The following LPL variants were observed in gnomAD, a reference collection of about 807,000 sequenced individuals.
The protein encoded by LPL is lipoprotein lipase.
Under a neutral mutation model 52.2 loss-of-function variants are expected in LPL, and 43 were observed. The ratio of observed to expected loss-of-function variants is 0.82; its 90% CI spans 0.64 to 1.06. The LOEUF is 1.06. Ranked by LOEUF, LPL falls within the 50% of genes least tolerant of loss-of-function variation. The pLI is 0.00. For synonymous variants in LPL, 244 were observed against 215.6 expected, an observed-to-expected ratio of 1.13 and a Z score of -1.15; for missense variants, 639 against 585.3, an observed-to-expected ratio of 1.09 and a Z score of -0.95.
intron 7 of LPL, 106 bp downstream of exon 7, chr8:19,959,486 A>G: frequency 3.6e-6 from 5 of 1,392,352 alleles, no homozygotes; most frequent in Non-Finnish European, 4.8e-6. Flanking sequence ...ACAAGTCTTT[A>G]GTTAAAAAAA....
At position 19,962,208 on chromosome 8, in the gene LPL, G is replaced by A. The variant is rs766845869; in HGVS notation, c.1416G>A (p.Lys472=). The A allele has an allele frequency of 4.3e-6, 7 of 1,613,488 alleles. No homozygotes were observed. In the African/African-American group the frequency reaches 6.7e-5, roughly 15 times the overall value. Residue 472 remains lysine (K), a synonymous_variant, in exon 9 of 10, where the codon AAG becomes AAA. Transcript: ENST00000650287. ...FVKCHDKSLN[K]KSG ...AATGCCATGACAAGTCTCTGAATAA[G>A]AAGTCAGGCTGGTGAGCATTCTGGG...
intron 1 of LPL, among the ~76,000 whole-genome samples, chr8:19,943,060 C>T (rs1263720284): frequency 2.0e-5 from 3 of 152,150 alleles, no homozygotes; most frequent in African/African-American, 7.2e-5. Context: ...CAAAGATGAC[C>T]CAGTTGGCGT....
At chr8:19,962,808 A>G (rs752057816) in intron 9 of LPL, among the ~76,000 whole-genome samples, 1 of 152,150 alleles carries the variant, frequency 6.6e-6, no homozygotes, top group South Asian at 2.1e-4. Context: ...TCTATCTCCA[A>G]ACAACTCTGT....
In LPL at chr8:19,944,959, C is replaced by T. The variant is rs574859481; in HGVS notation, c.89-3221C>T. ...CAGAATGAAGGCCTGCCTTTCCTTC[C>T]CTCCTTCCTTCCCCTTCCCCTTCTT... On this transcript the variant is annotated intron_variant, in intron 1 of 9. Transcript: ENST00000650287. The surrounding 1 kb of genome is among the most constrained non-coding windows in gnomAD (Gnocchi z 4.2). 4.4e-4 allele frequency among the ~76,000 whole-genome samples: 67 copies of T among 151,968 alleles called. 1 individual carries two copies. In the South Asian group the frequency reaches 8.1e-3, roughly 18 times the overall value.
intron 6 of LPL, among the ~76,000 whole-genome samples, chr8:19,957,371 G>A (rs280): frequency 0.014 from 2,135 of 152,316 alleles, 38 homozygotes; most frequent in African/African-American, 0.049. Flanking sequence ...GCACCCATGT[G>A]TAAGGTGATT....
chr8:19,948,162 C>T lies in LPL; in HGVS notation c.89-18C>T. ...AGCAACCCTCCAGTTAACCTCATATCCAATTTTTCCTTTCCAGAAAGAAGA... is the reference window on the plus strand; with the variant it reads ...AGCAACCCTCCAGTTAACCTCATATTCAATTTTTCCTTTCCAGAAAGAAGA... On this transcript the variant is annotated intron_variant, in intron 1 of 9. Transcript: ENST00000650287. 2 of 1,613,434 alleles carry T rather than the reference C, an allele frequency of 1.2e-6. No homozygotes were observed. Among genetic ancestry groups the T allele is most frequent in the Non-Finnish European group, 1.7e-6 (2 of 1,179,422 alleles).
At position 19,939,424 on chromosome 8, in the gene LPL, G is replaced by A. The variant is rs376305828; in HGVS notation, c.-17G>A. The A allele has an allele frequency of 1.7e-5, 28 of 1,600,558 alleles. No individual in the cohort carries two copies. The African/African-American group carries it at 3.6e-4, about 21-fold the overall frequency. On this transcript the variant is annotated 5_prime_UTR_variant, in exon 1 of 10. Coordinates refer to ENST00000650287, the MANE Select transcript of LPL (RefSeq NM_000237.3). This position sits in a 1 kb window ranked among gnomAD's most constrained non-coding sequence, Gnocchi z 4.0. Reference sequence around the variant, plus strand: ...CGGTCCGCGCCTTGCAGCTCCTCCAGAGGGACGCGCCCCGAGATGGAGAGC... The same window carrying A: ...CGGTCCGCGCCTTGCAGCTCCTCCAAAGGGACGCGCCCCGAGATGGAGAGC...
intron 3 of LPL, among the ~76,000 whole-genome samples, chr8:19,952,827 T>C (rs1204409361): frequency 6.6e-6 from 1 of 152,174 alleles, no homozygotes; most frequent in East Asian, 1.9e-4. Context: ...GATAAAGTGA[T>C]ACAGATATTT....
intron 1 of LPL, among the ~76,000 whole-genome samples, chr8:19,941,664 C>T (rs2069841344): frequency 6.6e-6 from 1 of 152,190 alleles, no homozygotes; most frequent in Non-Finnish European, 1.5e-5. Flanking sequence ...ACTCTACTCA[C>T]CCAATATATC....
chr8:19,955,498 A>G (rs1554517703), intron 5 of LPL, among the ~76,000 whole-genome samples: 1 of 152,246 alleles, frequency 6.6e-6, no homozygotes. Context: ...AGAAGCACCT[A>G]GAAGTGTTAG....
At chr8:19,947,998 T>C (rs569622720) in intron 1 of LPL, among the ~76,000 whole-genome samples, 182 bp from the exon 2 acceptor site, 4 of 152,226 alleles carry the variant, frequency 2.6e-5, no homozygotes, top group Non-Finnish European at 5.9e-5. Flanking sequence ...GTTGTCTCTC[T>C]GTCAACTTTG....
rs118204076 is a variant in LPL, at chr8:19,954,199, C to T, written c.621C>T (p.Asp207=). 1.7e-5 allele frequency: 27 copies of T among 1,614,016 alleles called. No homozygotes were observed. The highest frequency in any genetic ancestry group is 1.5e-4 in the African/African-American group (11 of 74,888). Residue 207 remains aspartate (D), a synonymous_variant, in exon 5 of 10, where the codon GAC becomes GAT. Transcript: ENST00000650287. ...RLSPDDADFV[D]VLHTFTRGSP... ...CTCCTGATGATGCAGATTTTGTAGACGTCTTACACACATTCACCAGAGGGT... is the reference window on the plus strand; with the variant it reads ...CTCCTGATGATGCAGATTTTGTAGATGTCTTACACACATTCACCAGAGGGT...
chr8:19,956,098 G>A lies in LPL; in HGVS notation c.1018+15G>A. ...GCCCTACAAAGGTAGGCTGGAGACT[G>A]TTGTAAATAAGGAAACCAAGGAGTC... On this transcript the variant is annotated intron_variant, in intron 6 of 9. Coordinates refer to ENST00000650287, the MANE Select transcript of LPL (RefSeq NM_000237.3). 2 of 1,614,000 alleles carry A rather than the reference G, an allele frequency of 1.2e-6. No individual in the cohort carries two copies. Among genetic ancestry groups the A allele is most frequent in the Non-Finnish European group, 1.7e-6 (2 of 1,180,022 alleles).
intron 8 of LPL, 42 bp from the exon 9 acceptor site, chr8:19,962,073 G>A (rs774250452): frequency 9.2e-6 from 12 of 1,309,718 alleles, no homozygotes; most frequent in Non-Finnish European, 1.2e-5. Flanking sequence ...CAGTGCTTTT[G>A]ATTGTTCTAC....
rs910069034 is a variant in LPL at position 19,950,230 on chromosome 8, C to T, written c.250-1539C>T. 2.0e-5 allele frequency among the ~76,000 whole-genome samples: 3 copies of T among 152,174 alleles called. No individual in the cohort carries two copies. Among genetic ancestry groups the T allele is most frequent in the African/African-American group, 7.2e-5 (3 of 41,454 alleles). ...CACCTGGTATAGGCAGCAGGGAGGG[C>T]TTCAGTTCAGCTGCGTGTCTGAAAA... On this transcript the variant is annotated intron_variant, in intron 2 of 9. Coordinates refer to ENST00000650287, the MANE Select transcript of LPL (RefSeq NM_000237.3). The surrounding 1 kb of genome is among the most constrained non-coding windows in gnomAD (Gnocchi z 4.2).
intron 1 of LPL, among the ~76,000 whole-genome samples, chr8:19,940,713 AT>A (rs1260709244): frequency 6.6e-6 from 1 of 152,222 alleles, no homozygotes; most frequent in Non-Finnish European, 1.5e-5. Flanking sequence ...TCAAGTTATA[AT>A]AGAGTCTCTC....
intron 1 of LPL, among the ~76,000 whole-genome samples, chr8:19,940,016 T>C (rs2069817820): frequency 6.6e-6 from 1 of 152,140 alleles, no homozygotes; most frequent in South Asian, 2.1e-4. Flanking sequence ...TGTGGCCCCT[T>C]CTGGGGAAGC....
At chr8:19,964,408 T>A (rs1179966895) in intron 9 of LPL, among the ~76,000 whole-genome samples, 1 of 152,256 alleles carries the variant, frequency 6.6e-6, no homozygotes, top group East Asian at 1.9e-4. Flanking sequence ...TCCAGTCGTA[T>A]TTTTTATATG....
intron 2 of LPL, among the ~76,000 whole-genome samples, chr8:19,949,771 C>A (rs1041190437): frequency 2.0e-5 from 3 of 152,232 alleles, no homozygotes; most frequent in African/African-American, 7.2e-5. Flanking sequence ...GCGAGAGCCA[C>A]TGCATCTGGC....
Sources: allele counts gnomAD v4.1 joint callset (sites outside exome capture counted in the v4.1 genomes callset), GRCh38; gene constraint gnomAD v4.1.1; non-coding constraint Gnocchi (gnomAD v3.1); transcripts MANE v1.5; gene names NCBI Gene and HGNC (gene_info 2026-07-23, HGNC 2026-07-21).